Variants in ANXA4 observed in about 807,000 individuals in gnomAD.
The protein encoded by ANXA4 is annexin A4.
A neutral mutation model predicts 49.8 loss-of-function variants in ANXA4; 39 were observed. The ratio of observed to expected loss-of-function variants is 0.78; its 90% CI spans 0.61 to 1.02. ANXA4 has a LOEUF of 1.02. Among genes scored for constraint, ANXA4 ranks in the 50% least tolerant of loss-of-function variants. ANXA4 has a pLI of 0.00. For missense variants in ANXA4, 360 were observed against 410.1 expected (o/e 0.88, Z 1.05); for synonymous variants, 134 against 152.5 (o/e 0.88, Z 0.89).
At chr2:69,822,040 A>G (rs1674265699) in intron 12 of ANXA4, among the ~76,000 whole-genome samples, 1 of 152,200 alleles carries the variant, frequency 6.6e-6, no homozygotes, top group Non-Finnish European at 1.5e-5. Flanking sequence ...GTCTGTTACG[A>G]AACTTTAAGC....
At chr2:69,698,052 T>C (rs1369077015) in intron 2 of ANXA4, among the ~76,000 whole-genome samples, 1 of 152,036 alleles carries the variant, frequency 6.6e-6, no homozygotes, top group Non-Finnish European at 1.5e-5. Flanking sequence ...CTCACAGATC[T>C]GGAGGCCGAG....
chr2:69,794,522 A>ATGTTATG (rs1672840988), intron 3 of ANXA4, among the ~76,000 whole-genome samples: 77 of 126,378 alleles, frequency 6.1e-4, no homozygotes, highest in East Asian at 1.2e-3. Flanking sequence ...GTTATGTTAT[A>ATGTTATG]TTATGTTATG....
At chr2:69,665,235 T>C (rs527308811) in intron 2 of ANXA4, among the ~76,000 whole-genome samples, 18 of 152,146 alleles carry the variant, frequency 1.2e-4, no homozygotes, top group South Asian at 8.3e-4. Context: ...GAAACCACCG[T>C]GCGGCAGAGA....
intron 12 of ANXA4, among the ~76,000 whole-genome samples, chr2:69,823,186 T>C (rs534131719): frequency 1.7e-4 from 25 of 151,166 alleles, no homozygotes; most frequent in African/African-American, 6.0e-4. Context: ...AGTACAAATA[T>C]ATTGATTGGC....
At chr2:69,804,896 A>G (rs1485225929) in intron 4 of ANXA4, among the ~76,000 whole-genome samples, 1 of 151,904 alleles carries the variant, frequency 6.6e-6, no homozygotes, top group Admixed American at 6.6e-5. Flanking sequence ...AAAAATACAA[A>G]AATTAGCCGG....
chr2:69,734,070 G>A (rs1343825900), intron 3 of ANXA4, among the ~76,000 whole-genome samples: 1 of 152,080 alleles, frequency 6.6e-6, no homozygotes, highest in Non-Finnish European at 1.5e-5. Flanking sequence ...CTGCAGGGTT[G>A]GGTACCTTCC....
At chr2:69,808,058 A>G in intron 6 of ANXA4, 62 bp downstream of exon 6, 1 of 1,506,850 alleles carries the variant, frequency 6.6e-7, no homozygotes, top group Non-Finnish European at 9.2e-7. Flanking sequence ...TGAGGGTAGC[A>G]GCGGGTTGTT....
chr2:69,675,272 C>T (rs944605543), intron 2 of ANXA4, among the ~76,000 whole-genome samples: 1 of 152,186 alleles, frequency 6.6e-6, no homozygotes, highest in African/African-American at 2.4e-5. Context: ...AAGATACTCT[C>T]TTTACATAGT....
At chr2:69,648,349 GA>G (rs1040655051) in intron 1 of ANXA4, among the ~76,000 whole-genome samples, 120 of 152,244 alleles carry the variant, frequency 7.9e-4, no homozygotes, top group African/African-American at 2.7e-3. Context: ...GTCTTTTAGC[GA>G]AGTGGAACTT....
At chr2:69,716,552 C>G (rs1669639882) in intron 2 of ANXA4, among the ~76,000 whole-genome samples, 1 of 152,034 alleles carries the variant, frequency 6.6e-6, no homozygotes, top group Admixed American at 6.6e-5. Flanking sequence ...AATGTTTGGT[C>G]TTTATGTGAG....
At chr2:69,776,767 CAT>C (rs2103634083) in intron 1 of ANXA4, among the ~76,000 whole-genome samples, 1 of 152,258 alleles carries the variant, frequency 6.6e-6, no homozygotes, top group Admixed American at 6.5e-5. Flanking sequence ...CAAAAAATCT[CAT>C]AATGTTTTAA....
chr2:69,715,686 A>T (rs536359631), intron 2 of ANXA4, among the ~76,000 whole-genome samples: 1 of 152,370 alleles, frequency 6.6e-6, no homozygotes, highest in East Asian at 1.9e-4. Context: ...TCACATAGTT[A>T]CTATAAAGCC....
intron 2 of ANXA4, among the ~76,000 whole-genome samples, chr2:69,708,573 C>A (rs929486363): frequency 2.0e-5 from 3 of 152,076 alleles, no homozygotes; most frequent in Admixed American, 6.6e-5. Context: ...TCATGGGTCT[C>A]TTGGTTTTTT....
chr2:69,793,211 T>C (rs1016594364), intron 3 of ANXA4, among the ~76,000 whole-genome samples: 12 of 146,434 alleles, frequency 8.2e-5, no homozygotes, highest in Non-Finnish European at 4.4e-5. Flanking sequence ...AAGATCGCAC[T>C]ACTGCACTCC....
chr2:69,816,360 T>C, intron 9 of ANXA4, 166 bp downstream of exon 9: 1 of 531,216 alleles, frequency 1.9e-6, no homozygotes, highest in Non-Finnish European at 3.4e-6. Context: ...ATGATGTATA[T>C]GAAAGCTAAT....
chr2:69,647,523 C>T (rs1269928255), intron 1 of ANXA4, among the ~76,000 whole-genome samples: 2 of 151,848 alleles, frequency 1.3e-5, no homozygotes, highest in Non-Finnish European at 1.5e-5. Flanking sequence ...ATTCTTGTGC[C>T]TCAGCCTCCC....
At chr2:69,685,007 C>CA (rs1677736936) in intron 2 of ANXA4, among the ~76,000 whole-genome samples, 1 of 152,092 alleles carries the variant, frequency 6.6e-6, no homozygotes, top group Non-Finnish European at 1.5e-5. Flanking sequence ...GTTGTGGGAT[C>CA]ACCAACAATC....
At chr2:69,653,828 A>T (rs906458149) in intron 2 of ANXA4, among the ~76,000 whole-genome samples, 2 of 152,216 alleles carry the variant, frequency 1.3e-5, no homozygotes, top group Non-Finnish European at 2.9e-5. Flanking sequence ...AAGAAAGCCA[A>T]TGGAAGCTTG....
intron 1 of ANXA4, among the ~76,000 whole-genome samples, chr2:69,751,407 C>G (rs1670835263): frequency 6.7e-6 from 1 of 149,642 alleles, no homozygotes; most frequent in South Asian, 2.1e-4. Flanking sequence ...ACTGGAGAGG[C>G]TGAGGTGGGA....
Sources: allele counts gnomAD v4.1 joint callset (sites outside exome capture counted in the v4.1 genomes callset), GRCh38; gene constraint gnomAD v4.1.1; transcripts MANE v1.5; gene names NCBI Gene and HGNC (gene_info 2026-07-23, HGNC 2026-07-21).